PLCH2: variants seen among roughly 807,000 people sequenced by gnomAD.
PLCH2 encodes the protein 1-phosphatidylinositol 4,5-bisphosphate phosphodiesterase eta-2.
A neutral mutation model predicts 134.7 loss-of-function variants in PLCH2; 98 were observed. The ratio of observed to expected loss-of-function variants is 0.73; its 90% CI spans 0.62 to 0.86. The LOEUF (loss-of-function observed/expected upper bound fraction) is 0.86. PLCH2 is among the 40% of genes least tolerant of loss of function. The pLI, the probability that PLCH2 is intolerant of heterozygous loss-of-function variation, is 0.00. For synonymous variants in PLCH2, 974 were observed against 827.5 expected (o/e 1.18, Z -3.04); for missense variants, 1,994 against 1,986.6 (o/e 1.00, Z -0.07).
intron 2 of PLCH2, among the ~76,000 whole-genome samples, chr1:2,459,514 C>T (rs1570332958): frequency 8.1e-6 from 1 of 123,126 alleles, no homozygotes; most frequent in Non-Finnish European, 1.8e-5. Context: ...CCTGGTGGTC[C>T]TCCTTCCTGG....
intron 20 of PLCH2, chr1:2,500,040 T>TA: frequency 2.1e-6 from 1 of 468,876 alleles, no homozygotes; most frequent in Non-Finnish European, 3.9e-6. Context: ...CCTCCACCCC[T>TA]ACAGTGCTGC....
intron 1 of PLCH2, among the ~76,000 whole-genome samples, chr1:2,477,203 C>T (rs1377661472): frequency 6.6e-6 from 1 of 152,110 alleles, no homozygotes; most frequent in Non-Finnish European, 1.5e-5. Context: ...CCTGCCAGCT[C>T]TCTGTTCCAG....
chr1:2,497,757 A>T, intron 16 of PLCH2, 148 bp downstream of exon 16: 5 of 539,314 alleles, frequency 9.3e-6, no homozygotes, highest in Non-Finnish European at 1.7e-5. Context: ...GTTGGGACGA[A>T]GCTCCCAGGA....
the PLCH2 span, among the ~76,000 whole-genome samples, chr1:2,417,304 CTT>C: frequency 6.6e-6 from 1 of 152,134 alleles, no homozygotes; most frequent in Non-Finnish European, 1.5e-5. Flanking sequence ...GAGGAAGAGA[CTT>C]TGCACTGGTA....
At chr1:2,463,955 G>A (rs1222261039), upstream of PLCH2, among the ~76,000 whole-genome samples, 2 of 152,350 alleles carry the variant, frequency 1.3e-5, no homozygotes, top group African/African-American at 2.4e-5. Context: ...TGAGCTGGCC[G>A]GAGCACTGCC....
chr1:2,489,684 G>A, intron 9 of PLCH2, 76 bp from the exon 10 acceptor site: 2 of 1,200,856 alleles, frequency 1.7e-6, no homozygotes, highest in Non-Finnish European at 2.5e-6. Context: ...TTGGCCGGCG[G>A]CTCTTTGTGG....
intron 2 of PLCH2, among the ~76,000 whole-genome samples, chr1:2,453,214 C>A (rs1465331094): frequency 6.6e-6 from 1 of 152,226 alleles, no homozygotes; most frequent in Admixed American, 6.5e-5. Flanking sequence ...TGCCCCCCGA[C>A]AGCGCCAGTG....
intron 7 of PLCH2, 60 bp downstream of exon 7, chr1:2,487,436 C>T: frequency 2.0e-6 from 3 of 1,524,516 alleles, no homozygotes; most frequent in Middle Eastern, 4.0e-4. Flanking sequence ...AGATGGGCTG[C>T]ACCTGAGGAG....
chr1:2,443,497 G>A (rs937499936), intron 2 of PLCH2, among the ~76,000 whole-genome samples: 5 of 152,106 alleles, frequency 3.3e-5, no homozygotes, highest in African/African-American at 1.2e-4. Context: ...ACGGGGAGCC[G>A]GAGGGAGGCG....
rs368664444 is a variant in PLCH2, at chr1:2,498,874, G to A, written c.2434+46G>A. On this transcript the variant is annotated intron_variant, in intron 18 of 21. Coordinates refer to ENST00000378486, the MANE Select transcript of PLCH2 (RefSeq NM_014638.4). This position sits in a 1 kb window ranked among gnomAD's most constrained non-coding sequence, Gnocchi z 5.4. ...CGTCACACCTGTGATGGAAGTCTGAGGGGGGAGGGTTGGGGCTACCTGGTG... is the reference window on the plus strand; with the variant it reads ...CGTCACACCTGTGATGGAAGTCTGAAGGGGGAGGGTTGGGGCTACCTGGTG... 50 of 1,499,002 alleles carry A rather than the reference G, an allele frequency of 3.3e-5. No homozygotes were observed. The highest frequency in any genetic ancestry group is 4.1e-5 in the Non-Finnish European group (45 of 1,088,030). The allele number at this position is 1,499,002 out of a possible 1,614,324, so 92.9% of individuals were successfully genotyped here. A position where few individuals can be genotyped will look rare whatever the true frequency, so the allele number is the denominator to read the frequency against.
At chr1:2,489,650 G>A in intron 9 of PLCH2, 110 bp from the exon 10 acceptor site, 3 of 895,036 alleles carry the variant, frequency 3.4e-6, no homozygotes, top group South Asian at 1.5e-5. Flanking sequence ...TGCCAAAACT[G>A]AGCTTGAGAA....
At chr1:2,450,636 CCTGCCCCCCGCTCCCTGT>C (rs1404588015) in intron 2 of PLCH2, among the ~76,000 whole-genome samples, 1 of 82,922 alleles carries the variant, frequency 1.2e-5, no homozygotes, top group African/African-American at 4.9e-5. Context: ...CAACTCCCCC[CCTGCCCCCCGCTCCCTGT>C]CTGCCCCCCT....
chr1:2,435,964 C>T (rs1570238445), intron 2 of PLCH2, among the ~76,000 whole-genome samples: 1 of 148,348 alleles, frequency 6.7e-6, no homozygotes, highest in Admixed American at 6.7e-5. Flanking sequence ...CTCCTCCCTC[C>T]TCCCTTCTTC....
Position 2,476,940 on chromosome 1 carries a change from C to A in PLCH2, c.124+228C>A, listed in dbSNP as rs191854920. Reference sequence around the variant, plus strand: ...TCAGCACACCTCGGTCTCCCAGGCACCTGCAGGGCCTGGGGGCTGAACCCA... The same window carrying A: ...TCAGCACACCTCGGTCTCCCAGGCAACTGCAGGGCCTGGGGGCTGAACCCA... On this transcript the variant is annotated intron_variant, in intron 1 of 21. Coordinates refer to ENST00000378486, the MANE Select transcript of PLCH2 (RefSeq NM_014638.4). Among the ~76,000 whole-genome samples, 1,428 of 152,222 alleles carry A rather than the reference C, an allele frequency of 9.4e-3. 27 individuals are homozygous for A. Among genetic ancestry groups the A allele is most frequent in the African/African-American group, 0.033 (1,352 of 41,524 alleles).
intron 2 of PLCH2, among the ~76,000 whole-genome samples, chr1:2,456,926 G>A (rs1640525630): frequency 6.6e-6 from 1 of 152,210 alleles, no homozygotes; most frequent in Non-Finnish European, 1.5e-5. Flanking sequence ...CCATGACTCT[G>A]GCACTGTGAG....
chr1:2,497,360 C>A (rs1328235597), intron 15 of PLCH2, 142 bp from the exon 16 acceptor site: 2 of 658,634 alleles, frequency 3.0e-6, no homozygotes, highest in Non-Finnish European at 5.4e-6. Context: ...ACCTTGGAGT[C>A]CCATTCACAT....
At chr1:2,416,566 G>A in the PLCH2 span, among the ~76,000 whole-genome samples, 6 of 152,210 alleles carry the variant, frequency 3.9e-5, no homozygotes, top group Non-Finnish European at 7.4e-5. Flanking sequence ...GGTGGGCAGC[G>A]GGCGGCACTG....
intron 1 of PLCH2, among the ~76,000 whole-genome samples, chr1:2,469,353 A>T (rs1260709061): frequency 6.6e-6 from 1 of 151,970 alleles, no homozygotes; most frequent in Non-Finnish European, 1.5e-5. Context: ...CTCTGAGCCC[A>T]CCCTCCGTGC....
chr1:2,465,646 C>A (rs1641023538), upstream of PLCH2, among the ~76,000 whole-genome samples: 1 of 152,208 alleles, frequency 6.6e-6, no homozygotes, highest in Admixed American at 6.5e-5. Flanking sequence ...GCTTAAATGC[C>A]CAGAAAAGAG....
Sources: allele counts gnomAD v4.1 joint callset (sites outside exome capture counted in the v4.1 genomes callset), GRCh38; gene constraint gnomAD v4.1.1; non-coding constraint Gnocchi (gnomAD v3.1); transcripts MANE v1.5; gene names NCBI Gene and HGNC (gene_info 2026-07-23, HGNC 2026-07-21).